The following EPS8L3 variants were observed in gnomAD, a reference collection of about 807,000 sequenced individuals.
EPS8L3 encodes the protein EPS8 signaling adaptor L3.
A neutral mutation model predicts 88.5 loss-of-function variants in EPS8L3; 80 were observed. The observed-to-expected ratio is 0.90, with a 90% CI of 0.75 to 1.09. The LOEUF (loss-of-function observed/expected upper bound fraction) is 1.09. EPS8L3 is among the 50% of genes least tolerant of loss of function. The pLI is 0.00. For missense variants in EPS8L3, 721 were observed against 735.2 expected, an observed-to-expected ratio of 0.98 and a Z score of 0.22; for synonymous variants, 286 against 291.0, an observed-to-expected ratio of 0.98 and a Z score of 0.18.
chr1:109,761,308 C>T (rs528303484), intron 3 of EPS8L3, 187 bp downstream of exon 3: 7 of 599,178 alleles, frequency 1.2e-5, no homozygotes, highest in African/African-American at 3.7e-5. Context: ...CACCCCTCCC[C>T]GTCCCTGACA....
Position 109,761,756 on chromosome 1 carries a change from G to A in EPS8L3, c.-7C>T, listed in dbSNP as rs749772282. ...TGCTGCTGGGCCTTGACATGTTGAC[G>A]CTGCTGAGGACGGCTCCCTAGAACC... On this transcript the variant is annotated 5_prime_UTR_variant, in exon 2 of 19. Transcript: ENST00000361965. 3.5e-5 allele frequency: 56 copies of A among 1,613,866 alleles called. No homozygotes were observed. Among genetic ancestry groups the A allele is most frequent in the East Asian group, 2.9e-4 (13 of 44,880 alleles).
At chr1:109,756,888 T>C in intron 12 of EPS8L3, 129 bp downstream of exon 12, 3 of 1,203,082 alleles carry the variant, frequency 2.5e-6, no homozygotes, top group Non-Finnish European at 3.6e-6. Flanking sequence ...GAACTCTCTG[T>C]AGAGTCCCCC....
At chr1:109,755,702 C>T (rs1226489188) in intron 12 of EPS8L3, among the ~76,000 whole-genome samples, 2 of 152,066 alleles carry the variant, frequency 1.3e-5, no homozygotes, top group African/African-American at 4.8e-5. Context: ...ACCTGTGGTC[C>T]CAGCTATTCG....
chr1:109,757,000 G>T lies in EPS8L3; in HGVS notation c.1118+17C>A. 6.2e-7 allele frequency: 1 copy of T among 1,614,154 alleles called. No individual in the cohort carries two copies. The highest frequency in any genetic ancestry group is 1.3e-5 in the African/African-American group (1 of 75,048). On this transcript the variant is annotated intron_variant, in intron 12 of 18. Coordinates refer to ENST00000361965, the MANE Select transcript of EPS8L3 (RefSeq NM_133181.4). ...GCCCCTCACCCCCGATTCAGTTCAG[G>T]CTTTGTCTTCACTCACCGGCTAGTG... is the stretch of plus-strand genomic sequence containing the variant.
chr1:109,750,494 C>A, intron 18 of EPS8L3, 92 bp from the exon 19 acceptor site: 2 of 1,589,132 alleles, frequency 1.3e-6, no homozygotes, highest in Middle Eastern at 1.7e-4. Flanking sequence ...TCAAGGTAAG[C>A]CTGAATGCAT....
chr1:109,761,300 C>G (rs921944581), intron 3 of EPS8L3, 195 bp downstream of exon 3: 3 of 590,648 alleles, frequency 5.1e-6, no homozygotes, highest in Middle Eastern at 4.4e-4. Flanking sequence ...AATCTGACCA[C>G]CCCTCCCCGT....
chr1:109,759,228 G>T lies in EPS8L3; in HGVS notation c.405+10C>A. ...ACCCCACCCCTGACCAATCACCCCC[G>T]ACCACTCACCCCCACTTCCTGGCAC... is the stretch of plus-strand genomic sequence containing the variant. On this transcript the variant is annotated intron_variant, in intron 5 of 18. Transcript: ENST00000361965. This position sits in a 1 kb window ranked among gnomAD's most constrained non-coding sequence, Gnocchi z 4.2. 6.2e-7 allele frequency: 1 copy of T among 1,612,392 alleles called. No homozygotes were observed. Among genetic ancestry groups the T allele is most frequent in the South Asian group, 1.1e-5 (1 of 90,928 alleles).
chr1:109,757,975 C>A lies in EPS8L3; in HGVS notation c.801G>T (p.Lys267Asn). The change falls in exon 9 of 19, where the codon AAG becomes AAT. Residue 267 changes from lysine (K) to asparagine (N), a missense_variant. By Grantham distance (94) the Lys-to-Asn change is moderately conservative. Coordinates refer to ENST00000361965, the MANE Select transcript of EPS8L3 (RefSeq NM_133181.4). The stretch of plus-strand genomic sequence containing the variant: ...GGTCCTTGTTTTTTTTCCCAAATTT[C>A]TTCTTCCTGCTGGTCTTTGCCTGGG... ...EKAQAKTSRK[K>N]KFGKKNKDQG... The A allele has an allele frequency of 1.2e-6, 2 of 1,614,190 alleles. No individual in the cohort carries two copies. The highest frequency in any genetic ancestry group is 1.7e-6 in the Non-Finnish European group (2 of 1,180,014).
At position 109,761,740 on chromosome 1, in the gene EPS8L3, G is replaced by T. The variant is rs935252097; in HGVS notation, c.10C>A (p.Pro4Thr). The T allele has an allele frequency of 2.1e-5, 34 of 1,613,914 alleles. No individual in the cohort carries two copies. Among genetic ancestry groups the T allele is most frequent in the Non-Finnish European group, 2.8e-5 (33 of 1,180,000 alleles). MSR[P>T]SSRAIYLHRK... is the part of the protein sequence containing the mutation. Reference sequence around the variant, plus strand: ...TTACAGTAAATGGCTCTGCTGCTGGGCCTTGACATGTTGACGCTGCTGAGG... The same window carrying T: ...TTACAGTAAATGGCTCTGCTGCTGGTCCTTGACATGTTGACGCTGCTGAGG... The change falls in exon 2 of 19, where the codon CCC becomes ACC. Residue 4 changes from proline (P) to threonine (T), a missense_variant. Pro to Thr is a conservative substitution (Grantham distance 38, BLOSUM62 -1). Transcript: ENST00000361965.
At chr1:109,760,084 A>T (rs1233800898) in intron 3 of EPS8L3, among the ~76,000 whole-genome samples, 1 of 152,034 alleles carries the variant, frequency 6.6e-6, no homozygotes, top group African/African-American at 2.4e-5. Flanking sequence ...AGGACTCTGG[A>T]GGAAGGACAG....
At position 109,750,082 on chromosome 1, in the gene EPS8L3, A is replaced by G. The variant is rs1649643933; in HGVS notation, c.*309T>C. The G allele has an allele frequency of 1.2e-5, 5 of 429,738 alleles. No individual in the cohort carries two copies. In the South Asian group the frequency reaches 1.8e-4, roughly 16 times the overall value. 26.6% of individuals were successfully genotyped at this position (429,738 alleles called of 1,614,324 possible). ...AGAAGCTGCGAGGGAGGCACATGAC[A>G]AGCTTGAAGATGCTTTTATTGAGAA... On this transcript the variant is annotated 3_prime_UTR_variant, in exon 19 of 19. Coordinates refer to ENST00000361965, the MANE Select transcript of EPS8L3 (RefSeq NM_133181.4).
intron 1 of EPS8L3, among the ~76,000 whole-genome samples, chr1:109,763,094 G>A (rs970155343): frequency 6.6e-6 from 1 of 152,226 alleles, no homozygotes; most frequent in African/African-American, 2.4e-5. Flanking sequence ...CCATACCCTT[G>A]TTTATTAGGA....
Position 109,759,048 on chromosome 1 carries a change from C to A in EPS8L3, c.461+14G>T, listed in dbSNP as rs774267228. On this transcript the variant is annotated intron_variant, in intron 6 of 18. Coordinates refer to ENST00000361965, the MANE Select transcript of EPS8L3 (RefSeq NM_133181.4). The surrounding 1 kb of genome is among the most constrained non-coding windows in gnomAD (Gnocchi z 4.2). ...TGGGAGGCCCCATAGGTGGGCTGGGCAGAGGCTGCCTACCTTTGCTCCAGC... is the reference window on the plus strand; with the variant it reads ...TGGGAGGCCCCATAGGTGGGCTGGGAAGAGGCTGCCTACCTTTGCTCCAGC... 1.3e-6 allele frequency: 2 copies of A among 1,590,576 alleles called. No homozygotes were observed. The highest frequency in any genetic ancestry group is 1.8e-5 in the Admixed American group (1 of 55,958).
At chr1:109,758,261 C>A in intron 8 of EPS8L3, 55 bp downstream of exon 8, 1 of 1,530,040 alleles carries the variant, frequency 6.5e-7, no homozygotes, top group South Asian at 1.1e-5. Context: ...GGTTGGTGTC[C>A]TTCCTTTTCC....
In EPS8L3 at chr1:109,752,430, G is replaced by A. The variant is rs1471198167; in HGVS notation, c.1236-237C>T. 5.0e-6 allele frequency: 3 copies of A among 605,816 alleles called. No homozygotes were observed. In the African/African-American group the frequency reaches 5.6e-5, roughly 11 times the overall value. 37.5% of individuals were successfully genotyped at this position (605,816 alleles called of 1,614,324 possible). On this transcript the variant is annotated intron_variant, in intron 14 of 18. Coordinates refer to ENST00000361965, the MANE Select transcript of EPS8L3 (RefSeq NM_133181.4). ...GTGGAATTTTCTACATCTGAGTTCTGCCCTAAGCACTTTATACTTGAGTAT... is the reference window on the plus strand; with the variant it reads ...GTGGAATTTTCTACATCTGAGTTCTACCCTAAGCACTTTATACTTGAGTAT...
Position 109,752,130 on chromosome 1 carries a change from G to T in EPS8L3, c.1299C>A (p.Asp433Glu). Residue 433 changes from aspartate (D) to glutamate (E), a missense_variant, in exon 15 of 19, where the codon GAC becomes GAA. By Grantham distance (45) the Asp-to-Glu change is conservative. Transcript: ENST00000361965. ...TGGAGTTGGGGTCCCCAGGCTGAGG[G>T]TCATGGTTGTGTGTCTTCTCCTGAG... is the stretch of plus-strand genomic sequence containing the variant. ...HFPQEKTHNH[D>E]PQPGDPNSRP... 2 of 1,614,156 alleles carry T rather than the reference G, an allele frequency of 1.2e-6. No homozygotes were observed. The highest frequency in any genetic ancestry group is 1.7e-6 in the Non-Finnish European group (2 of 1,180,012).
chr1:109,761,521 G>T lies in EPS8L3; in HGVS notation c.70C>A (p.Pro24Thr). The T allele has an allele frequency of 6.2e-7, 1 of 1,613,526 alleles. No homozygotes were observed. Among genetic ancestry groups the T allele is most frequent in the South Asian group, 1.1e-5 (1 of 91,046 alleles). ...TCCACCCTGTGCTGCAGGAGGGTGG[G>T]CTCTGAGGTGAGGTTCTGGGAGTAC... ...KEYSQNLTSE[P>T]TLLQHRVEHL... Residue 24 changes from proline (P) to threonine (T), a missense_variant, in exon 3 of 19, where the codon CCC becomes ACC. By Grantham distance (38) the Pro-to-Thr change is conservative (BLOSUM62 -1). Transcript: ENST00000361965.
chr1:109,763,050 C>G (rs1426057688), intron 1 of EPS8L3, among the ~76,000 whole-genome samples: 1 of 152,190 alleles, frequency 6.6e-6, no homozygotes, highest in Non-Finnish European at 1.5e-5. Context: ...TGCAGAAATA[C>G]TGGACTACCC....
intron 6 of EPS8L3, 146 bp downstream of exon 6, chr1:109,758,916 G>A: frequency 1.1e-6 from 1 of 928,288 alleles, no homozygotes; most frequent in East Asian, 2.6e-5. Context: ...CCTTGCCTAT[G>A]CCCACCTCTG....
Sources: gnomAD v4.1 joint callset for allele counts (sites outside exome capture counted in the v4.1 genomes callset) on GRCh38, gnomAD v4.1.1 for gene constraint, Gnocchi (gnomAD v3.1) non-coding constraint, MANE v1.5 for transcripts, NCBI Gene and HGNC (gene_info 2026-07-23, HGNC 2026-07-21) for gene names.